Variants in GPC3 observed in about 807,000 individuals in gnomAD.
GPC3 encodes the protein glypican 3.
A neutral mutation model predicts 34.4 loss-of-function variants in GPC3; 3 were observed. That is an observed-to-expected ratio of 0.09 (90% confidence interval 0.04 to 0.23). The LOEUF (loss-of-function observed/expected upper bound fraction) is 0.23. Ranked by LOEUF, GPC3 falls within the 10% of genes least tolerant of loss-of-function variation. The probability of loss-of-function intolerance (pLI) is 1.00; values close to 1 mark genes in which losing one functional copy is unlikely to be tolerated. For missense variants in GPC3, 351 were observed against 445.6 expected, an observed-to-expected ratio of 0.79 and a Z score of 1.91; for synonymous variants, 177 against 174.0, an observed-to-expected ratio of 1.02 and a Z score of -0.13.
chrX:133,958,408 T>A lies in GPC3; in HGVS notation c.176-5197A>T, dbSNP rs575506990. Among the ~76,000 whole-genome samples the A allele has an allele frequency of 1.7e-4, 18 of 107,790 alleles. No individual in the cohort carries two copies. In the South Asian group the frequency reaches 7.5e-3, roughly 45 times the overall value. 93.6% of individuals were successfully genotyped at this position (107,790 alleles called of 115,157 possible). On this transcript the variant is annotated intron_variant, in intron 1 of 7. Transcript: ENST00000370818. ...AATTTTTTTTTAATGTAACTAGGCATGGTAGTGCATGCCTGTGGTTGCAGC... is the reference window on the plus strand; with the variant it reads ...AATTTTTTTTTAATGTAACTAGGCAAGGTAGTGCATGCCTGTGGTTGCAGC...
Position 133,780,922 on chromosome X carries a change from C to T in GPC3, c.338-26746G>A, listed in dbSNP as rs778656946. 1.3e-3 allele frequency among the ~76,000 whole-genome samples: 146 copies of T among 111,632 alleles called. 2 individuals are homozygous for T. The highest frequency in any genetic ancestry group is 9.4e-4 in the Non-Finnish European group (50 of 53,131). On this transcript the variant is annotated intron_variant, in intron 2 of 7. Transcript: ENST00000370818. ...AGAGTGAATAGCAACTCATCAGAGACCTTTCTCCATGATGGCTTATTCCAA... is the reference window on the plus strand; with the variant it reads ...AGAGTGAATAGCAACTCATCAGAGATCTTTCTCCATGATGGCTTATTCCAA...
intron 5 of GPC3, among the ~76,000 whole-genome samples, chrX:133,664,088 T>C (rs2070749659): frequency 8.9e-6 from 1 of 112,429 alleles, no homozygotes; most frequent in Non-Finnish European, 1.9e-5. Context: ...GAGGCACACT[T>C]GTATTAAACT....
At chrX:133,902,169 AG>A (rs752475620) in intron 2 of GPC3, among the ~76,000 whole-genome samples, 20 of 112,848 alleles carry the variant, frequency 1.8e-4, no homozygotes, top group Non-Finnish European at 3.4e-4. Flanking sequence ...ATTAGGTAAC[AG>A]AAAGTACAGT....
chrX:133,906,020 G>A (rs1457288010), intron 2 of GPC3, among the ~76,000 whole-genome samples: 1 of 111,920 alleles, frequency 8.9e-6, no homozygotes, highest in Non-Finnish European at 1.9e-5. Flanking sequence ...GACATGCAAC[G>A]TGAACATGTA....
chrX:133,648,207 C>T (rs987132688), intron 6 of GPC3, among the ~76,000 whole-genome samples: 1 of 110,852 alleles, frequency 9.0e-6, no homozygotes, highest in African/African-American at 3.3e-5. Flanking sequence ...CGGCTCAGGA[C>T]AGCAGTGAAT....
In GPC3 at chrX:133,817,345, T is replaced by C. The variant is rs1322721314; in HGVS notation, c.338-63169A>G. Among the ~76,000 whole-genome samples the C allele has an allele frequency of 6.2e-5, 7 of 112,392 alleles. No homozygotes were observed. In the Admixed American group the frequency reaches 6.6e-4, roughly 11 times the overall value. On this transcript the variant is annotated intron_variant, in intron 2 of 7. Transcript: ENST00000370818. ...TTACAGTGATGCCAGACAAATCAGG[T>C]ATCCTGAAAAATTGGCAGGAGTTCT... is the stretch of plus-strand genomic sequence containing the variant.
chrX:133,766,211 A>G (rs2071843162), intron 2 of GPC3, among the ~76,000 whole-genome samples: 1 of 112,164 alleles, frequency 8.9e-6, no homozygotes, highest in Non-Finnish European at 1.9e-5. Flanking sequence ...ACTTGCTGAA[A>G]AACTACTTAA....
At chrX:133,910,204 A>C (rs1358777347) in intron 2 of GPC3, among the ~76,000 whole-genome samples, 3 of 110,477 alleles carry the variant, frequency 2.7e-5, no homozygotes, top group African/African-American at 9.9e-5. Context: ...ATGAGGTGAA[A>C]CTGAGGGCTG....
chrX:133,728,138 G>A (rs896197235), intron 3 of GPC3, among the ~76,000 whole-genome samples: 3 of 111,691 alleles, frequency 2.7e-5, no homozygotes, highest in African/African-American at 9.8e-5. Flanking sequence ...CAAGGGAAAG[G>A]TGCAAGGCTG....
At chrX:133,768,380 T>C (rs1444624117) in intron 2 of GPC3, among the ~76,000 whole-genome samples, 1 of 111,254 alleles carries the variant, frequency 9.0e-6, no homozygotes, top group East Asian at 2.8e-4. Context: ...TGCCTTTGCT[T>C]AAAAAGAAAA....
At chrX:133,840,759 G>A (rs1195176289) in intron 2 of GPC3, among the ~76,000 whole-genome samples, 1 of 110,905 alleles carries the variant, frequency 9.0e-6, no homozygotes, top group African/African-American at 3.3e-5. Context: ...AAGTTATGCT[G>A]AGGTTGGGAC....
At chrX:133,657,936 G>GAGAGAGA (rs59330472) in intron 6 of GPC3, among the ~76,000 whole-genome samples, 8 of 105,957 alleles carry the variant, frequency 7.6e-5, no homozygotes, top group African/African-American at 2.5e-4. Context: ...GAGAGAGAGA[G>GAGAGAGA]GAGAAGTATT....
intron 6 of GPC3, among the ~76,000 whole-genome samples, chrX:133,658,014 G>C (rs2070682795): frequency 9.0e-6 from 1 of 110,695 alleles, no homozygotes; most frequent in African/African-American, 3.3e-5. Context: ...ACCGAGCAAG[G>C]GGCTTAGGAA....
intron 2 of GPC3, among the ~76,000 whole-genome samples, chrX:133,799,828 C>G (rs1348356602): frequency 5.4e-5 from 6 of 111,524 alleles, no homozygotes; most frequent in Non-Finnish European, 1.1e-4. Flanking sequence ...GCTATAACCT[C>G]TGGAGTCTAA....
At chrX:133,624,335 A>G (rs1176476261) in intron 6 of GPC3, among the ~76,000 whole-genome samples, 3 of 111,841 alleles carry the variant, frequency 2.7e-5, no homozygotes, top group African/African-American at 9.8e-5. Flanking sequence ...AGATCGAGAC[A>G]CAAAAAACCC....
intron 2 of GPC3, among the ~76,000 whole-genome samples, chrX:133,917,911 T>C (rs189875991): frequency 1.8e-5 from 2 of 111,519 alleles, no homozygotes; most frequent in Admixed American, 9.5e-5. Flanking sequence ...AAACCTCAAA[T>C]ATAGGACACT....
chrX:133,551,966 T>TC (rs1254804078), intron 7 of GPC3, among the ~76,000 whole-genome samples: 4 of 112,754 alleles, frequency 3.5e-5, no homozygotes, highest in African/African-American at 9.7e-5. Context: ...GCTTTGTCTT[T>TC]CCCCTAAGGG....
intron 2 of GPC3, among the ~76,000 whole-genome samples, chrX:133,754,533 T>C (rs2071708804): frequency 8.9e-6 from 1 of 112,679 alleles, no homozygotes. Context: ...CTCACACTGA[T>C]TTATTCAGTT....
intron 2 of GPC3, among the ~76,000 whole-genome samples, chrX:133,929,519 C>T (rs1603274267): frequency 8.9e-6 from 1 of 111,909 alleles, no homozygotes; most frequent in East Asian, 2.8e-4. Context: ...TCCCTGCTTT[C>T]CTTGCTCCAT....
Sources: gnomAD v4.1 joint callset for allele counts (sites outside exome capture counted in the v4.1 genomes callset) on GRCh38, gnomAD v4.1.1 for gene constraint, MANE v1.5 for transcripts, NCBI Gene and HGNC (gene_info 2026-07-23, HGNC 2026-07-21) for gene names.